Variants in KCNIP1 observed in about 807,000 individuals in gnomAD.
The protein encoded by KCNIP1 is potassium voltage-gated channel interacting protein 1.
A neutral mutation model predicts 33.0 loss-of-function variants in KCNIP1; 18 were observed. That is an observed-to-expected ratio of 0.55 (90% CI 0.38 to 0.81). The LOEUF (loss-of-function observed/expected upper bound fraction) is 0.81, where lower values mean the gene tolerates loss of function less well. Ranked by LOEUF, KCNIP1 falls within the 30% of genes least tolerant of loss-of-function variation. KCNIP1 has a pLI of 0.00. For synonymous variants in KCNIP1, 93 were observed against 98.3 expected (o/e 0.95, Z 0.32); for missense variants, 238 against 271.6 (o/e 0.88, Z 0.87).
At chr5:170,671,014 G>A (rs1305427029) in intron 1 of KCNIP1, among the ~76,000 whole-genome samples, 1 of 152,016 alleles carries the variant, frequency 6.6e-6, no homozygotes, top group Non-Finnish European at 1.5e-5. Flanking sequence ...CCTCTCTGTG[G>A]TCCTTTAGGC....
intron 1 of KCNIP1, among the ~76,000 whole-genome samples, chr5:170,653,804 C>T (rs1280646331): frequency 6.6e-6 from 1 of 151,972 alleles, no homozygotes; most frequent in Non-Finnish European, 1.5e-5. Flanking sequence ...GCCTGGCCTC[C>T]CAGGAGAGGG....
chr5:170,353,763 G>A, exon 1 of KCNIP1: 1 of 880,306 alleles, frequency 1.1e-6, no homozygotes, highest in Non-Finnish European at 1.8e-6. Context: ...CTTCAGGGGT[G>A]CATCCGTCAC....
At chr5:170,665,067 G>A (rs571338648) in intron 1 of KCNIP1, among the ~76,000 whole-genome samples, 62 of 152,224 alleles carry the variant, frequency 4.1e-4, no homozygotes, top group Non-Finnish European at 6.2e-4. Context: ...TACACAGCGC[G>A]GGGAATGGAA....
At chr5:170,596,778 A>G (rs1477142650) in intron 1 of KCNIP1, among the ~76,000 whole-genome samples, 1 of 152,236 alleles carries the variant, frequency 6.6e-6, no homozygotes, top group Non-Finnish European at 1.5e-5. Context: ...GCTAAAATGC[A>G]TACAGAAAGC....
At chr5:170,363,299 C>T (rs1763565455) in intron 1 of KCNIP1, among the ~76,000 whole-genome samples, 1 of 152,140 alleles carries the variant, frequency 6.6e-6, no homozygotes, top group Non-Finnish European at 1.5e-5. Context: ...GAATTGTGTC[C>T]CCTTAAATGT....
chr5:170,534,616 C>G (rs1203711754), intron 1 of KCNIP1, among the ~76,000 whole-genome samples: 1 of 152,082 alleles, frequency 6.6e-6, no homozygotes, highest in Non-Finnish European at 1.5e-5. Flanking sequence ...TTCCTGGGCT[C>G]AAGTGATTCC....
At chr5:170,622,969 T>A (rs1289003662) in intron 1 of KCNIP1, among the ~76,000 whole-genome samples, 1 of 152,272 alleles carries the variant, frequency 6.6e-6, no homozygotes, top group African/African-American at 2.4e-5. Context: ...GATGAAACTG[T>A]TCCGCCTCTG....
chr5:170,393,825 T>G (rs1754681631), intron 1 of KCNIP1, among the ~76,000 whole-genome samples: 1 of 152,188 alleles, frequency 6.6e-6, no homozygotes, highest in African/African-American at 2.4e-5. Flanking sequence ...TTTTCTTCCT[T>G]TATCCTGCCA....
At chr5:170,606,544 A>C (rs1176697982) in intron 1 of KCNIP1, among the ~76,000 whole-genome samples, 1 of 152,188 alleles carries the variant, frequency 6.6e-6, no homozygotes, top group Non-Finnish European at 1.5e-5. Flanking sequence ...GAGAACAGGA[A>C]GATGAGAGGA....
chr5:170,548,451 C>T (rs369497940), intron 1 of KCNIP1, among the ~76,000 whole-genome samples: 34 of 152,240 alleles, frequency 2.2e-4, no homozygotes, highest in East Asian at 1.2e-3. Flanking sequence ...TTCACTTCTC[C>T]GGAAAGTACT....
At chr5:170,701,965 C>G (rs1368725294) in intron 1 of KCNIP1, among the ~76,000 whole-genome samples, 1 of 152,190 alleles carries the variant, frequency 6.6e-6, no homozygotes, top group East Asian at 1.9e-4. Flanking sequence ...CTGAGCCTTC[C>G]TTCGCTATCC....
intron 1 of KCNIP1, among the ~76,000 whole-genome samples, chr5:170,555,325 C>A (rs1436935095): frequency 6.6e-6 from 1 of 152,174 alleles, no homozygotes; most frequent in African/African-American, 2.4e-5. Flanking sequence ...AGGTGGGCAC[C>A]ATGCCCTCCA....
intron 1 of KCNIP1, among the ~76,000 whole-genome samples, chr5:170,660,736 C>T (rs1304743742): frequency 6.6e-6 from 1 of 152,234 alleles, no homozygotes; most frequent in East Asian, 1.9e-4. Context: ...GCGGGGCTCC[C>T]CAACCCTCCT....
chr5:170,539,023 C>A (rs941563138), intron 1 of KCNIP1, among the ~76,000 whole-genome samples: 2 of 151,934 alleles, frequency 1.3e-5, no homozygotes, highest in Non-Finnish European at 2.9e-5. Context: ...GCTTTAAAGA[C>A]CATCCATATG....
intron 1 of KCNIP1, among the ~76,000 whole-genome samples, chr5:170,531,626 A>G (rs1460049794): frequency 6.6e-6 from 1 of 152,156 alleles, no homozygotes; most frequent in Admixed American, 6.5e-5. Flanking sequence ...GCCTGCTCCT[A>G]ATGAGGACAC....
At chr5:170,629,242 G>C (rs112836489) in intron 1 of KCNIP1, among the ~76,000 whole-genome samples, 1 of 152,298 alleles carries the variant, frequency 6.6e-6, no homozygotes, top group African/African-American at 2.4e-5. Flanking sequence ...GTGCAGGTAG[G>C]GCCTGAGGAT....
chr5:170,632,005 CCA>C (rs1383889061), intron 1 of KCNIP1, among the ~76,000 whole-genome samples: 1 of 152,166 alleles, frequency 6.6e-6, no homozygotes, highest in Non-Finnish European at 1.5e-5. Context: ...GGACGATTTG[CCA>C]CAGACAGGGG....
intron 1 of KCNIP1, among the ~76,000 whole-genome samples, chr5:170,523,293 T>C (rs553277915): frequency 1.3e-5 from 2 of 152,318 alleles, no homozygotes; most frequent in South Asian, 4.1e-4. Context: ...CAGAGCAGGC[T>C]GAGGGTGGCT....
chr5:170,633,689 GGGGCGGAGGAGGGGGCGA>G (rs1760154644), intron 1 of KCNIP1, among the ~76,000 whole-genome samples: 1 of 103,022 alleles, frequency 9.7e-6, no homozygotes, highest in Non-Finnish European at 2.0e-5. Context: ...AGGAGGGGGC[GGGGCGGAGGAGGGGGCGA>G]GGGGGCGGGG....
Sources: allele counts gnomAD v4.1 joint callset (sites outside exome capture counted in the v4.1 genomes callset), GRCh38; gene constraint gnomAD v4.1.1; transcripts MANE v1.5; gene names NCBI Gene and HGNC (gene_info 2026-07-23, HGNC 2026-07-21).